Variants in ARFGEF1 observed in about 807,000 individuals in gnomAD.
ARFGEF1 encodes the protein ARF guanine nucleotide exchange factor 1, also known as brefeldin A-inhibited guanine nucleotide-exchange protein 1.
A neutral mutation model predicts 231.0 loss-of-function variants in ARFGEF1; 42 were observed. That is an observed-to-expected ratio of 0.18 (90% CI 0.14 to 0.24). The LOEUF is 0.24. Ranked by LOEUF, ARFGEF1 falls within the 10% of genes least tolerant of loss-of-function variation. The pLI is 1.00. For synonymous variants in ARFGEF1, 710 were observed against 732.3 expected, an observed-to-expected ratio of 0.97 and a Z score of 0.49; for missense variants, 1,345 against 2,192.0, an observed-to-expected ratio of 0.61 and a Z score of 7.72.
At chr8:67,235,588 G>A (rs1488200826) in intron 22 of ARFGEF1, among the ~76,000 whole-genome samples, 1 of 152,092 alleles carries the variant, frequency 6.6e-6, no homozygotes, top group Non-Finnish European at 1.5e-5. Flanking sequence ...TAGCATTTTG[G>A]GAGGCCGAGG....
At chr8:67,202,994 A>G (rs775639347) in intron 36 of ARFGEF1, 89 bp downstream of exon 36, 5 of 1,356,000 alleles carry the variant, frequency 3.7e-6, no homozygotes, top group Non-Finnish European at 5.1e-6. Context: ...ACAGACCTAT[A>G]GCAGACAGTC....
intron 1 of ARFGEF1, among the ~76,000 whole-genome samples, chr8:67,329,841 C>G (rs1204178886): frequency 6.6e-6 from 1 of 151,544 alleles, no homozygotes; most frequent in East Asian, 1.9e-4. Flanking sequence ...GCAGCAAAAC[C>G]AAACAAAGCT....
intron 19 of ARFGEF1, among the ~76,000 whole-genome samples, chr8:67,241,099 G>A (rs1382900260): frequency 6.6e-6 from 1 of 152,006 alleles, no homozygotes; most frequent in East Asian, 1.9e-4. Flanking sequence ...AATTACAATC[G>A]AATTTCTAAA....
chr8:67,272,367 G>A (rs1386318390), intron 9 of ARFGEF1, among the ~76,000 whole-genome samples: 1 of 151,748 alleles, frequency 6.6e-6, no homozygotes, highest in Non-Finnish European at 1.5e-5. Flanking sequence ...GGGGTTTCAC[G>A]GTGTTAGTCA....
chr8:67,290,888 C>G (rs969914037), intron 6 of ARFGEF1, among the ~76,000 whole-genome samples: 1 of 151,818 alleles, frequency 6.6e-6, no homozygotes, highest in African/African-American at 2.4e-5. Flanking sequence ...AAGCATGCCT[C>G]TCAGAAAGCT....
At chr8:67,200,324 G>T in intron 38 of ARFGEF1, 72 bp downstream of exon 38, 1 of 1,077,996 alleles carries the variant, frequency 9.3e-7, no homozygotes, top group Non-Finnish European at 1.4e-6. Flanking sequence ...CTTGCACGGC[G>T]GCTCTGGGAC....
intron 5 of ARFGEF1, among the ~76,000 whole-genome samples, chr8:67,176,125 G>A (rs891997727): frequency 3.9e-5 from 6 of 152,092 alleles, no homozygotes; most frequent in African/African-American, 1.4e-4. Flanking sequence ...GGGGCTAGTT[G>A]TCTCAGAGAG....
chr8:67,311,286 T>TG (rs1223297174), intron 1 of ARFGEF1, among the ~76,000 whole-genome samples: 51 of 46,932 alleles, frequency 1.1e-3, no homozygotes, highest in East Asian at 3.6e-3. Flanking sequence ...GGGAGGGAGG[T>TG]GGGGGGGGTC....
Position 67,211,548 on chromosome 8 carries a change from G to A in ARFGEF1, c.4754C>T (p.Pro1585Leu), listed in dbSNP as rs1474387977. The A allele has an allele frequency of 6.3e-7, 1 of 1,591,780 alleles. No individual in the cohort carries two copies. The change falls in exon 34 of 39, where the codon CCA becomes CTA. Residue 1585 changes from proline to leucine, a missense_variant. This residue lies in a region of ARFGEF1 where 89 missense variants were observed against 74.8 expected (regional missense o/e 1.19). Transcript: ENST00000262215. ...AGACGCAGAAACCAGTGGTGCTTGTGGTCTGTTATCCACAGACCTTGGTTG... is the reference window on the plus strand; with the variant it reads ...AGACGCAGAAACCAGTGGTGCTTGTAGTCTGTTATCCACAGACCTTGGTTG... ...SIQPRSVDNRPQAPLVSASAV... is the reference protein window; with the variant it reads ...SIQPRSVDNRLQAPLVSASAV...
At chr8:67,206,202 G>A (rs1838509572) in intron 34 of ARFGEF1, among the ~76,000 whole-genome samples, 1 of 152,094 alleles carries the variant, frequency 6.6e-6, no homozygotes, top group Admixed American at 6.5e-5. Flanking sequence ...CTGAGGTCAG[G>A]AGTTCGAGAC....
intron 1 of ARFGEF1, among the ~76,000 whole-genome samples, chr8:67,330,207 T>C (rs1017672504): frequency 2.0e-5 from 3 of 152,040 alleles, no homozygotes; most frequent in African/African-American, 7.2e-5. Flanking sequence ...CTTTTTGAAA[T>C]GTAAAAGAAA....
intron 4 of ARFGEF1, 83 bp downstream of exon 4, chr8:67,299,126 T>G: frequency 8.0e-7 from 1 of 1,250,050 alleles, no homozygotes; most frequent in Non-Finnish European, 1.1e-6. Context: ...TAAAATGATC[T>G]TTCCTAATGT....
chr8:67,182,222 C>T (rs1200289001), intron 5 of ARFGEF1, among the ~76,000 whole-genome samples: 2 of 152,062 alleles, frequency 1.3e-5, no homozygotes, highest in Non-Finnish European at 1.5e-5. Flanking sequence ...AGGTTGGTCG[C>T]GAACTCTTGA....
chr8:67,222,198 TATATATACAC>T lies in ARFGEF1; in HGVS notation c.4209-2648_4209-2639del, dbSNP rs1278345859. On this transcript the variant is annotated intron_variant, in intron 29 of 38. Coordinates refer to ENST00000262215, the MANE Select transcript of ARFGEF1 (RefSeq NM_006421.5). ...ATATATACACATATATATATATATA[TATATATACAC>T]ACACATATATATATATGTATATGTA... Among the ~76,000 whole-genome samples, 127 of 140,510 alleles carry T rather than the reference TATATATACAC, an allele frequency of 9.0e-4. 2 individuals carry two copies. Among genetic ancestry groups the T allele is most frequent in the African/African-American group, 3.3e-3 (120 of 36,720 alleles). 92.2% of individuals were successfully genotyped at this position (140,510 alleles called of 152,430 possible).
In ARFGEF1 at chr8:67,271,786, A is replaced by G; in HGVS notation, c.1488T>C (p.Ser496=). 1 of 1,613,918 alleles carries G rather than the reference A, an allele frequency of 6.2e-7. No individual in the cohort carries two copies. The highest frequency in any genetic ancestry group is 8.5e-7 in the Non-Finnish European group (1 of 1,179,886). The change falls in exon 10 of 39, where the codon TCT becomes TCC. Residue 496 remains serine (S), a synonymous_variant. Coordinates refer to ENST00000262215, the MANE Select transcript of ARFGEF1 (RefSeq NM_006421.5). The stretch of plus-strand genomic sequence containing the variant: ...GAGAAAGCTCAAAAACCTCTGGAAC[A>G]GATGAGACTCCATTTTTTGAGAGTG... ...CVALSKNGVS[S]VPEVFELSLS... is the part of the protein sequence containing the mutation.
intron 33 of ARFGEF1, 151 bp from the exon 34 acceptor site, chr8:67,211,766 T>TAAAATTACCTGTAC (rs1351493497): frequency 2.1e-6 from 1 of 482,936 alleles, no homozygotes; most frequent in Admixed American, 4.4e-5. Context: ...GAAAATTATT[T>TAAAATTACCTGTAC]AAAATTACCT....
At position 67,343,452 on chromosome 8, in the gene ARFGEF1, A is replaced by C. The variant is rs890717263; in HGVS notation, c.-165T>G. On this transcript the variant is annotated 5_prime_UTR_variant, in exon 1 of 39. Transcript: ENST00000262215. ...GATCAGGAAGGGGCGGGCGAGCGGGACCAGCCGCGGTGTCGGCGAAGGGCG... is the reference window on the plus strand; with the variant it reads ...GATCAGGAAGGGGCGGGCGAGCGGGCCCAGCCGCGGTGTCGGCGAAGGGCG... 16 of 1,356,726 alleles carry C rather than the reference A, an allele frequency of 1.2e-5. No individual in the cohort carries two copies. The highest frequency in any genetic ancestry group is 1.5e-5 in the Non-Finnish European group (16 of 1,051,664). The allele number at this position is 1,356,726 out of a possible 1,614,324, so 84.0% of individuals were successfully genotyped here.
rs1043513951 is a variant in ARFGEF1 at position 67,182,316 on chromosome 8, CCT to C, written c.561-6746_561-6745del. Among the ~76,000 whole-genome samples, 17 of 145,252 alleles carry C rather than the reference CCT, an allele frequency of 1.2e-4. No individual in the cohort carries two copies. The South Asian group carries it at 2.3e-3, about 20-fold the overall frequency. ...AGCTACCACACCCAGCCAGATTTCC[CCT>C]TTTTTTTTTTATGCTGTGAATAATA... On this transcript the variant is annotated intron_variant, in intron 5 of 5. Transcript: ENST00000518789.
intron 14 of ARFGEF1, among the ~76,000 whole-genome samples, chr8:67,265,482 A>T (rs1355808351): frequency 6.6e-6 from 1 of 152,200 alleles, no homozygotes; most frequent in East Asian, 1.9e-4. Flanking sequence ...AGGAGCAGGC[A>T]GGTATCACAA....
Sources: allele counts gnomAD v4.1 joint callset (sites outside exome capture counted in the v4.1 genomes callset), GRCh38; gene constraint gnomAD v4.1.1; regional missense constraint gnomAD v4.1.1; transcripts MANE v1.5; gene names NCBI Gene and HGNC (gene_info 2026-07-23, HGNC 2026-07-21).